DNAH5: variants seen among roughly 807,000 people sequenced by gnomAD.
The protein encoded by DNAH5 is dynein axonemal heavy chain 5, also known as axonemal beta dynein heavy chain 5.
DNAH5 carries 372 observed loss-of-function variants against 518.2 expected under a neutral mutation model. The observed-to-expected ratio is 0.72, with a 90% CI of 0.66 to 0.78. DNAH5 has a LOEUF of 0.78. DNAH5 is among the 30% of genes least tolerant of loss of function. The pLI is 0.00. For missense variants in DNAH5, 5,523 were observed against 5,687.0 expected (o/e 0.97, Z 0.93); for synonymous variants, 2,039 against 2,025.9 (o/e 1.01, Z -0.17).
intron 75 of DNAH5, among the ~76,000 whole-genome samples, chr5:13,710,264 G>C (rs915302665): frequency 6.6e-6 from 1 of 152,104 alleles, no homozygotes; most frequent in Admixed American, 6.6e-5. Flanking sequence ...GGAAAAGGGG[G>C]AGACTACTAC....
chr5:13,846,018 T>TA (rs1017085330), intron 31 of DNAH5, among the ~76,000 whole-genome samples: 1 of 146,342 alleles, frequency 6.8e-6, no homozygotes, highest in Non-Finnish European at 1.5e-5. Context: ...TTTTTTTTTT[T>TA]AGTAGAGATG....
intron 52 of DNAH5, among the ~76,000 whole-genome samples, chr5:13,784,439 G>C (rs1208637908): frequency 6.6e-6 from 1 of 152,184 alleles, no homozygotes; most frequent in Non-Finnish European, 1.5e-5. Context: ...AATCCACAGA[G>C]TTGCCAAGCC....
chr5:13,883,064 T>C lies in DNAH5; in HGVS notation c.3014A>G (p.Asn1005Ser). ...DSNSASNMKQ[N>S]SLPIFRASVT... ...GCTTGCCCGGAAAATGGGCAAACTG[T>C]TCTGCTTCATGTTAGAGGCACTGTT... The change falls in exon 20 of 79, where the codon AAC (asparagine) becomes AGC (serine). Residue 1005 changes from asparagine to serine, a missense_variant. Physicochemically the swap from Asn to Ser is conservative, Grantham distance 46 (BLOSUM62 1). This residue lies in a region of DNAH5 where 5,121 missense variants were observed against 5,223.3 expected (regional missense o/e 0.98). Transcript: ENST00000265104. The C allele has an allele frequency of 6.2e-7, 1 of 1,614,168 alleles. No individual in the cohort carries two copies. Among genetic ancestry groups the C allele is most frequent in the Non-Finnish European group, 8.5e-7 (1 of 1,180,034 alleles).
At chr5:13,909,858 T>G (rs1163789099) in intron 12 of DNAH5, among the ~76,000 whole-genome samples, 3 of 152,236 alleles carry the variant, frequency 2.0e-5, no homozygotes, top group Admixed American at 2.0e-4. Context: ...CATAGAAGTC[T>G]AATACATAAT....
intron 35 of DNAH5, among the ~76,000 whole-genome samples, chr5:13,831,903 G>A (rs1763715608): frequency 6.6e-6 from 1 of 152,108 alleles, no homozygotes; most frequent in Admixed American, 6.5e-5. Flanking sequence ...CCACTGTACA[G>A]AGATAAGGAA....
chr5:13,888,712 G>A (rs1772762124), intron 17 of DNAH5, among the ~76,000 whole-genome samples: 1 of 152,202 alleles, frequency 6.6e-6, no homozygotes, highest in African/African-American at 2.4e-5. Flanking sequence ...TGGTGGCATT[G>A]TAAGCTGATA....
intron 61 of DNAH5, among the ~76,000 whole-genome samples, chr5:13,758,602 C>A (rs550975789): frequency 1.3e-5 from 2 of 152,224 alleles, no homozygotes; most frequent in Admixed American, 1.3e-4. Flanking sequence ...AACAAAAATG[C>A]TAGTACACAA....
chr5:13,763,186 G>A (rs1752015660), intron 59 of DNAH5, among the ~76,000 whole-genome samples: 1 of 152,058 alleles, frequency 6.6e-6, no homozygotes, highest in Admixed American at 6.5e-5. Context: ...TTTAGGTGAT[G>A]AACACTAATA....
chr5:13,856,804 T>C (rs371849222), intron 30 of DNAH5, among the ~76,000 whole-genome samples: 1 of 152,176 alleles, frequency 6.6e-6, no homozygotes, highest in Non-Finnish European at 1.5e-5. Context: ...TTTGATAAAA[T>C]TGAACATCCT....
At position 13,923,275 on chromosome 5, in the gene DNAH5, CT is replaced by C; in HGVS notation, c.438+4del. Reference sequence around the variant, plus strand: ...TCAGAGTAAACAATGGCTCTTGCCCCTTACCTGGTGGATGTTGTCAGGGGTG... The same window carrying C: ...TCAGAGTAAACAATGGCTCTTGCCCCTACCTGGTGGATGTTGTCAGGGGTG... On this transcript the variant is annotated splice_donor_region_variant and intron_variant, in intron 4 of 78. Coordinates refer to ENST00000265104, the MANE Select transcript of DNAH5 (RefSeq NM_001369.3). The C allele has an allele frequency of 6.2e-7, 1 of 1,614,126 alleles. No homozygotes were observed. The highest frequency in any genetic ancestry group is 8.5e-7 in the Non-Finnish European group (1 of 1,179,982).
intron 70 of DNAH5, among the ~76,000 whole-genome samples, chr5:13,723,809 A>C (rs1415463232): frequency 6.6e-6 from 1 of 152,188 alleles, no homozygotes. Flanking sequence ...CAGTTGGCCA[A>C]ATGTTGTTGG....
intron 1 of DNAH5, among the ~76,000 whole-genome samples, chr5:13,976,400 G>A (rs1433704861): frequency 6.6e-6 from 1 of 152,118 alleles, no homozygotes; most frequent in African/African-American, 2.4e-5. Context: ...CTGTGTCCCA[G>A]CCAGGAGGTG....
At chr5:13,869,924 G>C (rs1204577117) in intron 24 of DNAH5, among the ~76,000 whole-genome samples, 2 of 152,038 alleles carry the variant, frequency 1.3e-5, no homozygotes, top group African/African-American at 4.8e-5. Flanking sequence ...TTACTCAAGT[G>C]AATCTATTCA....
intron 56 of DNAH5, 108 bp downstream of exon 56, chr5:13,770,641 T>C (rs1580149040): frequency 1.1e-6 from 1 of 916,012 alleles, no homozygotes; most frequent in African/African-American, 2.5e-5. Context: ...GCCACAGCTA[T>C]GATACACAAA....
At chr5:13,694,076 A>G (rs1741045215) in intron 78 of DNAH5, among the ~76,000 whole-genome samples, 1 of 152,198 alleles carries the variant, frequency 6.6e-6, no homozygotes, top group Non-Finnish European at 1.5e-5. Context: ...TGCAGATTTG[A>G]TTAACCATTT....
intron 65 of DNAH5, among the ~76,000 whole-genome samples, chr5:13,747,303 T>G (rs1177059885): frequency 5.3e-5 from 8 of 152,284 alleles, no homozygotes; most frequent in East Asian, 3.9e-4. Context: ...GGACATTTGG[T>G]TTGGTTCCAA....
At chr5:13,886,260 G>C (rs571982085) in intron 17 of DNAH5, 131 bp from the exon 18 acceptor site, 3 of 900,014 alleles carry the variant, frequency 3.3e-6, no homozygotes, top group Non-Finnish European at 5.1e-6. Context: ...AGTGATGCTT[G>C]GCCACATCCT....
Position 13,800,701 on chromosome 5 carries a change from A to C in DNAH5, c.7888-6643T>G, listed in dbSNP as rs757574482. On this transcript the variant is annotated intron_variant, in intron 47 of 78. Coordinates refer to ENST00000265104, the MANE Select transcript of DNAH5 (RefSeq NM_001369.3). Reference sequence around the variant, plus strand: ...TATTGCATGATTTGTAATTTTACCTAGAATTTTTTTGTCTCCCCCAAAGAA... The same window carrying C: ...TATTGCATGATTTGTAATTTTACCTCGAATTTTTTTGTCTCCCCCAAAGAA... 3.6e-4 allele frequency among the ~76,000 whole-genome samples: 55 copies of C among 152,152 alleles called. 1 individual carries two copies. The highest frequency in any genetic ancestry group is 2.1e-4 in the South Asian group (1 of 4,818).
intron 14 of DNAH5, among the ~76,000 whole-genome samples, chr5:13,901,049 C>A (rs1458717882): frequency 1.3e-5 from 2 of 152,200 alleles, no homozygotes; most frequent in Non-Finnish European, 2.9e-5. Context: ...AAATGGGGTT[C>A]TGTTACCTGG....
Sources: gnomAD v4.1 joint callset for allele counts (sites outside exome capture counted in the v4.1 genomes callset) on GRCh38, gnomAD v4.1.1 for gene constraint, gnomAD v4.1.1 regional missense constraint, MANE v1.5 for transcripts, NCBI Gene and HGNC (gene_info 2026-07-23, HGNC 2026-07-21) for gene names.